The following MS4A8 variants were observed in gnomAD, a reference collection of about 807,000 sequenced individuals.
The protein encoded by MS4A8 is membrane-spanning 4-domains subfamily A member 8.
A neutral mutation model predicts 23.7 loss-of-function variants in MS4A8; 27 were observed. That is an observed-to-expected ratio of 1.14 (90% CI 0.84 to 1.57). The LOEUF (loss-of-function observed/expected upper bound fraction) is 1.57, where lower values mean the gene tolerates loss of function less well. Ranked by LOEUF, MS4A8 falls within the 40% of genes most tolerant of loss-of-function variation. The pLI is 0.00. For missense variants in MS4A8, 301 were observed against 311.4 expected, an observed-to-expected ratio of 0.97 and a Z score of 0.25; for synonymous variants, 138 against 126.3, an observed-to-expected ratio of 1.09 and a Z score of -0.62.
chr11:60,714,854 CATACTTG>C (rs1223465484), intron 5 of MS4A8, among the ~76,000 whole-genome samples, 160 bp from the exon 6 acceptor site: 1 of 152,120 alleles, frequency 6.6e-6, no homozygotes, highest in Non-Finnish European at 1.5e-5. Context: ...CTTTTACCCC[CATACTTG>C]ATACTTACAA....
intron 4 of MS4A8, among the ~76,000 whole-genome samples, chr11:60,707,812 C>CTTTTTTTTTTTTTTTTT (rs5792195): frequency 2.7e-4 from 15 of 55,138 alleles, no homozygotes; most frequent in African/African-American, 4.4e-4. Flanking sequence ...TTTTCTTTTT[C>CTTTTTTTTTTTTTTTTT]TTTTTTTTTT....
At chr11:60,701,146 G>A in intron 2 of MS4A8, 67 bp downstream of exon 2, 2 of 1,471,632 alleles carry the variant, frequency 1.4e-6, no homozygotes, top group South Asian at 2.3e-5. Context: ...GGAAGGGAAG[G>A]CCTGGGAAAT....
rs548225232 is a variant in MS4A8 at position 60,710,903 on chromosome 11, C to T, written c.534+2122C>T. On this transcript the variant is annotated intron_variant, in intron 5 of 6. Transcript: ENST00000300226. ...GTTCCCTCCGACTGGGGAACTCTTC[C>T]CTCAGATGTTCCCACAGCTTCCTCT... Among the ~76,000 whole-genome samples the T allele has an allele frequency of 1.6e-4, 24 of 152,280 alleles. No individual in the cohort carries two copies. The South Asian group carries it at 5.0e-3, about 32-fold the overall frequency.
At chr11:60,714,906 G>A (rs1248886795) in intron 5 of MS4A8, 115 bp from the exon 6 acceptor site, 9 of 730,596 alleles carry the variant, frequency 1.2e-5, no homozygotes, top group Non-Finnish European at 1.7e-5. Flanking sequence ...ACGAGGCTGA[G>A]AGAGGATAGG....
Position 60,714,223 on chromosome 11 carries a change from C to T in MS4A8, c.535-798C>T, listed in dbSNP as rs531433499. On this transcript the variant is annotated intron_variant, in intron 5 of 6. Coordinates refer to ENST00000300226, the MANE Select transcript of MS4A8 (RefSeq NM_031457.2). Reference sequence around the variant, plus strand: ...ACAGGCGTGAGCCACCGCGCCCGGCCGGTGATGACTCTTAACAAGCGTGCT... The same window carrying T: ...ACAGGCGTGAGCCACCGCGCCCGGCTGGTGATGACTCTTAACAAGCGTGCT... Among the ~76,000 whole-genome samples the T allele has an allele frequency of 7.7e-4, 108 of 140,690 alleles. 11 individuals carry two copies. The highest frequency in any genetic ancestry group is 3.5e-3 in the African/African-American group (107 of 30,724). 92.3% of individuals were successfully genotyped at this position (140,690 alleles called of 152,430 possible). A position where few individuals can be genotyped will look rare whatever the true frequency, so the allele number is the denominator to read the frequency against.
chr11:60,704,604 G>C (rs1324786233), intron 3 of MS4A8, among the ~76,000 whole-genome samples: 1 of 152,078 alleles, frequency 6.6e-6, no homozygotes, highest in Non-Finnish European at 1.5e-5. Context: ...TTGAGCACTG[G>C]GGACTCAATC....
At chr11:60,700,659 T>C (rs1482812787) in intron 1 of MS4A8, among the ~76,000 whole-genome samples, 2 of 152,234 alleles carry the variant, frequency 1.3e-5, no homozygotes, top group African/African-American at 2.4e-5. Context: ...TCTGTAAAAC[T>C]GGGCGGGTGA....
chr11:60,712,221 C>A, intron 5 of MS4A8: 1 of 581,222 alleles, frequency 1.7e-6, no homozygotes, highest in Non-Finnish European at 2.2e-6. Flanking sequence ...CCCTTCATGA[C>A]AATGAACCTC....
At chr11:60,700,746 T>G in intron 1 of MS4A8, 114 bp from the exon 2 acceptor site, 1 of 966,604 alleles carries the variant, frequency 1.0e-6, no homozygotes, top group Non-Finnish European at 1.6e-6. Context: ...TAACATGGGA[T>G]TCATAAACTT....
chr11:60,708,747 C>A lies in MS4A8; in HGVS notation c.500C>A (p.Ala167Asp), dbSNP rs1384299773. ...ITDLSIPHPYAYPDYYPYAWG... is the reference protein window; with the variant it reads ...ITDLSIPHPYDYPDYYPYAWG... ...GATCTAAGTATTCCCCACCCATATG[C>A]CTACCCCGACTATTATCCTTACGCC... The change falls in exon 5 of 7, where the codon GCC becomes GAC. Residue 167 changes from alanine (A) to aspartate (D), a missense_variant. Ala to Asp is a moderately radical substitution (Grantham distance 126, BLOSUM62 -2). Coordinates refer to ENST00000300226, the MANE Select transcript of MS4A8 (RefSeq NM_031457.2). 12 of 1,613,754 alleles carry A rather than the reference C, an allele frequency of 7.4e-6. No homozygotes were observed. In the African/African-American group the frequency reaches 1.1e-4, roughly 14 times the overall value.
intron 1 of MS4A8, among the ~76,000 whole-genome samples, chr11:60,700,320 C>T (rs941852063): frequency 2.6e-5 from 4 of 152,164 alleles, no homozygotes; most frequent in Non-Finnish European, 4.4e-5. Context: ...CCGAGGCAAG[C>T]GGATCGCCTG....
At chr11:60,711,952 T>C (rs2088304171) in intron 5 of MS4A8, 1 of 380,380 alleles carries the variant, frequency 2.6e-6, no homozygotes. Context: ...TTGCAAATAA[T>C]GACCCAAGGA....
intron 3 of MS4A8, 133 bp downstream of exon 3, chr11:60,703,633 C>G: frequency 3.9e-6 from 4 of 1,017,558 alleles, no homozygotes; most frequent in Non-Finnish European, 5.8e-6. Context: ...AGGAAACCAG[C>G]CAGCCCTGGC....
At position 60,715,086 on chromosome 11, in the gene MS4A8, C is replaced by T. The variant is rs200663288; in HGVS notation, c.600C>T (p.Cys200=). Residue 200 remains cysteine (C), a synonymous_variant, in exon 6 of 7, where the codon TGC becomes TGT. Transcript: ENST00000300226. ...VFCLLEFGIA[C]ASSHFGCQLV... ...GCCTCCTGGAGTTTGGCATCGCATG[C>T]GCATCTTCCCACTTTGGCTGCCAGT... is the stretch of plus-strand genomic sequence containing the variant. 4.2e-5 allele frequency: 67 copies of T among 1,614,066 alleles called. No individual in the cohort carries two copies. The highest frequency in any genetic ancestry group is 3.3e-4 in the Middle Eastern group (2 of 6,060).
chr11:60,715,642 G>A lies in MS4A8; in HGVS notation c.*228G>A. The A allele has an allele frequency of 1.9e-6, 1 of 530,840 alleles. No individual in the cohort carries two copies. The highest frequency in any genetic ancestry group is 3.4e-6 in the Non-Finnish European group (1 of 295,308). The allele number at this position is 530,840 out of a possible 1,614,324, so 32.9% of individuals were successfully genotyped here. ...TGTTAACCAAGAGGGACTCCCTAGG[G>A]CACATGCATCAGCACATATGTGGGC... On this transcript the variant is annotated 3_prime_UTR_variant, in exon 7 of 7. Transcript: ENST00000300226.
At chr11:60,707,812 CTTTTT>C (rs5792195) in intron 4 of MS4A8, among the ~76,000 whole-genome samples, 2 of 55,164 alleles carry the variant, frequency 3.6e-5, no homozygotes, top group African/African-American at 6.3e-5. Flanking sequence ...TTTTCTTTTT[CTTTTT>C]TTTTTTTTTT....
At chr11:60,714,990 C>A in intron 5 of MS4A8, 31 bp from the exon 6 acceptor site, 2 of 1,513,740 alleles carry the variant, frequency 1.3e-6, no homozygotes, top group Non-Finnish European at 1.8e-6. Flanking sequence ...CAGTCCCGTG[C>A]TCCTGTCCTC....
chr11:60,713,420 T>C (rs1452465834), intron 5 of MS4A8, among the ~76,000 whole-genome samples: 2 of 152,060 alleles, frequency 1.3e-5, no homozygotes, highest in African/African-American at 2.4e-5. Context: ...GGTCAGAAGG[T>C]AAACACGTGA....
chr11:60,714,758 C>G (rs75723058), intron 5 of MS4A8, among the ~76,000 whole-genome samples: 2,847 of 152,244 alleles, frequency 0.019, 73 homozygotes, highest in African/African-American at 0.058. Flanking sequence ...TCTCCACACC[C>G]AAAGCAACCT....
Sources: allele counts gnomAD v4.1 joint callset (sites outside exome capture counted in the v4.1 genomes callset), GRCh38; gene constraint gnomAD v4.1.1; transcripts MANE v1.5; gene names NCBI Gene and HGNC (gene_info 2026-07-23, HGNC 2026-07-21).